PLEKHM1: variants seen among roughly 807,000 people sequenced by gnomAD.
PLEKHM1 encodes the protein pleckstrin homology and RUN domain containing M1.
A neutral mutation model predicts 94.3 loss-of-function variants in PLEKHM1; 28 were observed. That is an observed-to-expected ratio of 0.30 (90% CI 0.22 to 0.41). The LOEUF (loss-of-function observed/expected upper bound fraction) is 0.41. PLEKHM1 is among the 10% of genes least tolerant of loss of function. The probability of loss-of-function intolerance (pLI) is 1.00; values close to 1 mark genes in which losing one functional copy is unlikely to be tolerated. For missense variants in PLEKHM1, 907 were observed against 1,358.6 expected, an observed-to-expected ratio of 0.67 and a Z score of 5.22; for synonymous variants, 424 against 581.2, an observed-to-expected ratio of 0.73 and a Z score of 3.89.
At chr17:45,484,852 G>T (rs2052061924) in intron 1 of PLEKHM1, among the ~76,000 whole-genome samples, 1 of 151,642 alleles carries the variant, frequency 6.6e-6, no homozygotes, top group African/African-American at 2.4e-5. Context: ...GCAGCATGAG[G>T]TTTGGAAAGC....
intron 1 of PLEKHM1, among the ~76,000 whole-genome samples, chr17:45,484,509 A>C (rs2052049400): frequency 6.6e-6 from 1 of 152,142 alleles, no homozygotes; most frequent in Non-Finnish European, 1.5e-5. Context: ...CCCTGTCCCC[A>C]CCAATGTATA....
chr17:45,486,100 C>T (rs2052106823), intron 1 of PLEKHM1, among the ~76,000 whole-genome samples: 1 of 148,350 alleles, frequency 6.7e-6, no homozygotes, highest in East Asian at 2.0e-4. Context: ...GCCTGTAGTC[C>T]CAGCTACTCG....
chr17:45,438,202 C>T (rs1458884075), intron 11 of PLEKHM1, among the ~76,000 whole-genome samples: 1 of 152,214 alleles, frequency 6.6e-6, no homozygotes, highest in African/African-American at 2.4e-5. Flanking sequence ...TTTATAAATG[C>T]TGCTTGAGAT....
chr17:45,462,102 T>C (rs2051169271), intron 5 of PLEKHM1, among the ~76,000 whole-genome samples: 1 of 151,698 alleles, frequency 6.6e-6, no homozygotes, highest in South Asian at 2.1e-4. Context: ...CAGGGAAGGG[T>C]TGGTTTGGAC....
chr17:45,452,934 T>A (rs1305390813), intron 7 of PLEKHM1: 1 of 319,290 alleles, frequency 3.1e-6, no homozygotes, highest in Admixed American at 4.4e-5. Flanking sequence ...TGGACAGCAC[T>A]GAATAGCACG....
At chr17:45,455,210 C>G (rs1011472733) in intron 6 of PLEKHM1, among the ~76,000 whole-genome samples, 12 of 152,190 alleles carry the variant, frequency 7.9e-5, no homozygotes, top group African/African-American at 2.9e-4. Context: ...CTTCTCTCCC[C>G]CCATTCTACT....
intron 7 of PLEKHM1, among the ~76,000 whole-genome samples, chr17:45,451,903 G>A (rs2050784491): frequency 1.3e-5 from 2 of 152,246 alleles, no homozygotes; most frequent in South Asian, 4.1e-4. Flanking sequence ...GGCAGGCGGG[G>A]GAGAGGTCAA....
At chr17:45,485,528 G>C (rs2052083236) in intron 1 of PLEKHM1, among the ~76,000 whole-genome samples, 1 of 152,180 alleles carries the variant, frequency 6.6e-6, no homozygotes, top group Non-Finnish European at 1.5e-5. Flanking sequence ...GAGAGTGATA[G>C]AGTATTCACA....
intron 1 of PLEKHM1, among the ~76,000 whole-genome samples, chr17:45,485,804 A>T (rs997185427): frequency 2.0e-4 from 31 of 152,076 alleles, no homozygotes; most frequent in African/African-American, 7.5e-4. Context: ...TGGTATTACC[A>T]GCTACCATAC....
chr17:45,465,517 T>TCA (rs1420900384), intron 5 of PLEKHM1, among the ~76,000 whole-genome samples: 1 of 151,920 alleles, frequency 6.6e-6, no homozygotes, highest in African/African-American at 2.4e-5. Context: ...GAGACCAGCC[T>TCA]GGTCAACATG....
chr17:45,458,354 G>C lies in PLEKHM1; in HGVS notation c.1394C>G (p.Ala465Gly). The change falls in exon 6 of 12, where the codon GCT (alanine) becomes GGT (glycine). Residue 465 changes from alanine (A) to glycine (G), a missense_variant. Physicochemically the swap from Ala to Gly is moderately conservative, Grantham distance 60 (BLOSUM62 0). Around this residue, in one of 3 missense-constraint regions of PLEKHM1, gnomAD observed 477 missense variants for 601.5 expected, o/e 0.79. Coordinates refer to ENST00000430334, the MANE Select transcript of PLEKHM1 (RefSeq NM_014798.3). The stretch of plus-strand genomic sequence containing the variant: ...TGACCCTGGAGTCCCCCTGTAAGAA[G>C]CTATTGGGTGGTCTGAAGCACTCTC... ...PLESASDHPIASYRGTPGSRP... is the reference protein window; with the variant it reads ...PLESASDHPIGSYRGTPGSRP... 1.2e-6 allele frequency: 2 copies of C among 1,614,012 alleles called. No individual in the cohort carries two copies. Among genetic ancestry groups the C allele is most frequent in the Non-Finnish European group, 1.7e-6 (2 of 1,179,850 alleles).
chr17:45,455,283 C>A (rs1251883483), intron 6 of PLEKHM1, among the ~76,000 whole-genome samples: 1 of 152,102 alleles, frequency 6.6e-6, no homozygotes, highest in African/African-American at 2.4e-5. Flanking sequence ...ACTCCTCAGC[C>A]CTCGCCCCCA....
chr17:45,453,040 G>C lies in PLEKHM1; in HGVS notation c.2497+315C>G. 1 of 554,620 alleles carries C rather than the reference G, an allele frequency of 1.8e-6. No individual in the cohort carries two copies. The highest frequency in any genetic ancestry group is 3.1e-5 in the East Asian group (1 of 32,180). The allele number at this position is 554,620 out of a possible 1,614,324, so 34.4% of individuals were successfully genotyped here. ...TGCCCCTGCTCTGAAAGAACAGGAC[G>C]GTAGAGCAAGAAGAAAATGAAGCAG... On this transcript the variant is annotated intron_variant, in intron 7 of 11. Transcript: ENST00000430334. This position sits in a 1 kb window ranked among gnomAD's most constrained non-coding sequence, Gnocchi z 4.1.
At position 45,478,395 on chromosome 17, in the gene PLEKHM1, T is replaced by C. The variant is rs184372627; in HGVS notation, c.49-248A>G. Among the ~76,000 whole-genome samples, 291 of 152,356 alleles carry C rather than the reference T, an allele frequency of 1.9e-3. 13 individuals are homozygous for C. The highest frequency in any genetic ancestry group is 0.016 in the Admixed American group (250 of 15,304). ...AATTACTGTTATTGTTTGTTTCATATGTCCTTTAGTATAGATACTTTTTGT... is the reference window on the plus strand; with the variant it reads ...AATTACTGTTATTGTTTGTTTCATACGTCCTTTAGTATAGATACTTTTTGT... On this transcript the variant is annotated intron_variant, in intron 2 of 11. Coordinates refer to ENST00000430334, the MANE Select transcript of PLEKHM1 (RefSeq NM_014798.3).
chr17:45,434,721 A>G (rs1042381999), downstream of PLEKHM1, among the ~76,000 whole-genome samples: 1 of 152,152 alleles, frequency 6.6e-6, no homozygotes, highest in East Asian at 1.9e-4. Flanking sequence ...CTGGGATTAC[A>G]GGTGTGAGCC....
chr17:45,450,488 C>A, intron 8 of PLEKHM1, 130 bp downstream of exon 8: 1 of 1,445,120 alleles, frequency 6.9e-7, no homozygotes, highest in Non-Finnish European at 9.5e-7. Flanking sequence ...CATCACAGTG[C>A]CTGAACCAGT....
rs1299903499 is a variant in PLEKHM1 at position 45,436,685 on chromosome 17, C to T, written c.*1173G>A. ...GACTCCCACCCCAGCCCCAAGGCCCCTTCAAAGGCAGTCCTGCTCCGGGGA... is the reference window on the plus strand; with the variant it reads ...GACTCCCACCCCAGCCCCAAGGCCCTTTCAAAGGCAGTCCTGCTCCGGGGA... On this transcript the variant is annotated 3_prime_UTR_variant, in exon 12 of 12. Transcript: ENST00000430334. 2.2e-6 allele frequency: 1 copy of T among 454,050 alleles called. No individual in the cohort carries two copies. Among genetic ancestry groups the T allele is most frequent in the African/African-American group, 2.0e-5 (1 of 50,016 alleles). The allele number at this position is 454,050 out of a possible 1,614,324, so 28.1% of individuals were successfully genotyped here.
intron 1 of PLEKHM1, chr17:45,487,625 T>A (rs1437769039): frequency 2.3e-6 from 1 of 439,756 alleles, no homozygotes; most frequent in Admixed American, 2.4e-5. Flanking sequence ...ACAGTTCCGG[T>A]TGGTTTCCTG....
chr17:45,436,768 T>A lies in PLEKHM1; in HGVS notation c.*1090A>T. 1 of 454,120 alleles carries A rather than the reference T, an allele frequency of 2.2e-6. No homozygotes were observed. Among genetic ancestry groups the A allele is most frequent in the Admixed American group, 2.3e-5 (1 of 42,576 alleles). The allele number at this position is 454,120 out of a possible 1,614,324, so 28.1% of individuals were successfully genotyped here. A position where few individuals can be genotyped will look rare whatever the true frequency, so the allele number is the denominator to read the frequency against. ...AGTTCAGTGATGCTTTGGGAATTCA[T>A]GGCTTTGTGAGGTGGTGGCTGCATC... On this transcript the variant is annotated 3_prime_UTR_variant, in exon 12 of 12. Transcript: ENST00000430334.
Sources: gnomAD v4.1 joint callset for allele counts (sites outside exome capture counted in the v4.1 genomes callset) on GRCh38, gnomAD v4.1.1 for gene constraint, gnomAD v4.1.1 regional missense constraint, Gnocchi (gnomAD v3.1) non-coding constraint, MANE v1.5 for transcripts, NCBI Gene and HGNC (gene_info 2026-07-23, HGNC 2026-07-21) for gene names.